The following PCDHA6 variants were observed in gnomAD, a reference collection of about 807,000 sequenced individuals.
PCDHA6 encodes protocadherin alpha 6, also known as protocadherin alpha-6.
Under a neutral mutation model 60.3 loss-of-function variants are expected in PCDHA6, and 55 were observed. The observed-to-expected ratio is 0.91, with a 90% CI of 0.73 to 1.14. PCDHA6 has a LOEUF of 1.14. Ranked by LOEUF, PCDHA6 falls within the 50% of genes most tolerant of loss-of-function variation. The pLI is 0.00. For missense variants in PCDHA6, 1,327 were observed against 1,256.5 expected (o/e 1.06, Z -0.85); for synonymous variants, 652 against 557.9 (o/e 1.17, Z -2.38).
intron 1 of PCDHA6, chr5:140,929,360 C>G (rs781864515): frequency 5.3e-6 from 8 of 1,519,748 alleles, no homozygotes; most frequent in Non-Finnish European, 6.2e-6. Flanking sequence ...TTCCTTTGGC[C>G]CGGAGATGGC....
At chr5:140,991,167 G>T (rs186627829) in intron 3 of PCDHA6, among the ~76,000 whole-genome samples, 2 of 152,270 alleles carry the variant, frequency 1.3e-5, no homozygotes, top group Non-Finnish European at 2.9e-5. Flanking sequence ...TATTCCCATT[G>T]TCAAGCAGGA....
In PCDHA6 at chr5:140,869,244, C is replaced by G. The variant is rs782454826; in HGVS notation, c.2394+38759C>G. 5.6e-6 allele frequency: 9 copies of G among 1,613,658 alleles called. 1 individual carries two copies. In the South Asian group the frequency reaches 7.7e-5, roughly 14 times the overall value. ...CCAAACACGGCACCTTCGTGGGCCG[C>G]ATCGCGCAGGACCTGGGGCTGGAGC... On this transcript the variant is annotated intron_variant, in intron 1 of 3. Coordinates refer to ENST00000529310, the MANE Select transcript of PCDHA6 (RefSeq NM_018909.4).
At position 140,828,124 on chromosome 5, in the gene PCDHA6, G is replaced by A. The variant is rs1769541261; in HGVS notation, c.33G>A (p.Lys11=). The A allele has an allele frequency of 1.9e-6, 3 of 1,613,068 alleles. No homozygotes were observed. Among genetic ancestry groups the A allele is most frequent in the Non-Finnish European group, 2.5e-6 (3 of 1,179,428 alleles). The change falls in exon 1 of 4, where the codon AAG becomes AAA. Residue 11 remains lysine (K), a synonymous_variant. Transcript: ENST00000529310. MVFTPEDRLG[K]QCLLLPLLLL... ...TTACCCCGGAGGATAGATTGGGAAA[G>A]CAATGTCTGCTCCTCCCGCTTCTGC...
At chr5:140,859,579 G>A in intron 1 of PCDHA6, 1 of 171,440 alleles carries the variant, frequency 5.8e-6, no homozygotes, top group Non-Finnish European at 1.2e-5. Flanking sequence ...TTGTCATCTT[G>A]CCTATGGCTC....
At position 140,849,588 on chromosome 5, in the gene PCDHA6, C is replaced by G. The variant is rs2150441639; in HGVS notation, c.2394+19103C>G. ...GGTTCCTGTAAAAGAGGACGCACAA[C>G]TGGGGACAGTTATTGCCCTGATTAG... On this transcript the variant is annotated intron_variant, in intron 1 of 3. Coordinates refer to ENST00000529310, the MANE Select transcript of PCDHA6 (RefSeq NM_018909.4). 8 of 1,598,790 alleles carry G rather than the reference C, an allele frequency of 5.0e-6. 1 individual carries two copies. Among genetic ancestry groups the G allele is most frequent in the East Asian group, 4.5e-5 (2 of 44,856 alleles).
At chr5:140,981,643 G>A (rs998815671) in intron 2 of PCDHA6, among the ~76,000 whole-genome samples, 3 of 151,992 alleles carry the variant, frequency 2.0e-5, no homozygotes, top group African/African-American at 7.3e-5. Context: ...TTTTCTCTTA[G>A]GATCCCACTT....
intron 1 of PCDHA6, among the ~76,000 whole-genome samples, chr5:140,973,304 C>G (rs1252823783): frequency 6.6e-6 from 1 of 152,126 alleles, no homozygotes; most frequent in Non-Finnish European, 1.5e-5. Context: ...TCTGATGACT[C>G]TATCCTGGAA....
intron 1 of PCDHA6, chr5:140,863,119 A>T: frequency 1.7e-6 from 1 of 591,284 alleles, no homozygotes; most frequent in Non-Finnish European, 3.3e-6. Context: ...GGCGAAAGCT[A>T]CGCGCCACCG....
At chr5:140,917,352 C>G (rs2078160172) in intron 1 of PCDHA6, among the ~76,000 whole-genome samples, 1 of 141,764 alleles carries the variant, frequency 7.1e-6, no homozygotes, top group African/African-American at 2.6e-5. Context: ...GTGTAGGCTT[C>G]TGTTCCACTA....
At position 140,850,278 on chromosome 5, in the gene PCDHA6, C is replaced by A. The variant is rs2150477296; in HGVS notation, c.2394+19793C>A. On this transcript the variant is annotated intron_variant, in intron 1 of 3. Transcript: ENST00000529310. ...CGCCGGCGTAGTGGTGGGGAAGGTG[C>A]GCGCAGTGGACGCCGACTCGGGCTA... is the stretch of plus-strand genomic sequence containing the variant. 5 of 1,595,340 alleles carry A rather than the reference C, an allele frequency of 3.1e-6. 1 individual carries two copies. Among genetic ancestry groups the A allele is most frequent in the South Asian group, 1.1e-5 (1 of 90,456 alleles).
At chr5:140,984,139 C>T (rs2097088415) in intron 3 of PCDHA6, among the ~76,000 whole-genome samples, 1 of 152,178 alleles carries the variant, frequency 6.6e-6, no homozygotes. Flanking sequence ...GATGTGGAGG[C>T]ATCTGGGAAG....
At chr5:140,919,593 T>C (rs541275874) in intron 1 of PCDHA6, among the ~76,000 whole-genome samples, 1 of 152,214 alleles carries the variant, frequency 6.6e-6, no homozygotes, top group Non-Finnish European at 1.5e-5. Context: ...TGGTAATTTT[T>C]AAAATAAATT....
chr5:140,943,923 C>A (rs1454812803), intron 1 of PCDHA6, among the ~76,000 whole-genome samples: 1 of 152,162 alleles, frequency 6.6e-6, no homozygotes, highest in Non-Finnish European at 1.5e-5. Flanking sequence ...GCATGAGCAG[C>A]TTTAGAAGTG....
At position 140,869,840 on chromosome 5, in the gene PCDHA6, A is replaced by T. The variant is rs782569950; in HGVS notation, c.2394+39355A>T. 9 of 1,611,616 alleles carry T rather than the reference A, an allele frequency of 5.6e-6. No homozygotes were observed. The Admixed American group carries it at 1.5e-4, about 27-fold the overall frequency. On this transcript the variant is annotated intron_variant, in intron 1 of 3. Transcript: ENST00000529310. The stretch of plus-strand genomic sequence containing the variant: ...AATGATCCAGAGTTTGATAAATCAG[A>T]ATATAAGGTGAGCCTTATGGAAAAT...
Position 140,828,909 on chromosome 5 carries a change from C to G in PCDHA6, c.818C>G (p.Ala273Gly), listed in dbSNP as rs1213488123. ...AATGCTTCTGATCGGGATGAAGGAG[C>G]GAATGGGGCAATTTCATATTCTTTT... Reference protein sequence around the residue: ...RLNASDRDEGANGAISYSFNS... With the variant: ...RLNASDRDEGGNGAISYSFNS... Residue 273 changes from alanine (A) to glycine (G), a missense_variant, in exon 1 of 4, where the codon GCG (alanine) becomes GGG (glycine). By Grantham distance (60) the Ala-to-Gly change is moderately conservative (BLOSUM62 0). Coordinates refer to ENST00000529310, the MANE Select transcript of PCDHA6 (RefSeq NM_018909.4). 1.2e-6 allele frequency: 2 copies of G among 1,614,072 alleles called. No homozygotes were observed. Among genetic ancestry groups the G allele is most frequent in the South Asian group, 1.1e-5 (1 of 91,080 alleles).
At chr5:140,882,208 G>C (rs1554173113) in intron 1 of PCDHA6, 2 of 1,531,598 alleles carry the variant, frequency 1.3e-6, no homozygotes, top group East Asian at 4.5e-5. Flanking sequence ...GGCCTTGAGA[G>C]ACAGTTTGAG....
intron 3 of PCDHA6, among the ~76,000 whole-genome samples, chr5:140,990,378 T>G (rs1554251448): frequency 6.6e-6 from 1 of 152,128 alleles, no homozygotes; most frequent in African/African-American, 2.4e-5. Context: ...GCAAATTTGT[T>G]GGTGATGTTC....
chr5:140,830,001 T>C lies in PCDHA6; in HGVS notation c.1910T>C (p.Leu637Pro). 1 of 1,613,958 alleles carries C rather than the reference T, an allele frequency of 6.2e-7. No homozygotes were observed. The highest frequency in any genetic ancestry group is 1.1e-5 in the South Asian group (1 of 91,076). ...GGCGAGATCAGCACCACTCGTGTCCTGGACGAAGCGGACTCTCCGCGCCAC... is the reference window on the plus strand; with the variant it reads ...GGCGAGATCAGCACCACTCGTGTCCCGGACGAAGCGGACTCTCCGCGCCAC... ...YTGEISTTRV[L>P]DEADSPRHRL... is the part of the protein sequence containing the mutation. Residue 637 changes from leucine to proline, a missense_variant, in exon 1 of 4, where the codon CTG becomes CCG. Leu to Pro is a moderately conservative substitution (Grantham distance 98). Coordinates refer to ENST00000529310, the MANE Select transcript of PCDHA6 (RefSeq NM_018909.4).
intron 1 of PCDHA6, among the ~76,000 whole-genome samples, chr5:140,887,345 C>A (rs1286436995): frequency 6.6e-6 from 1 of 152,140 alleles, no homozygotes; most frequent in Non-Finnish European, 1.5e-5. Context: ...ATCCACCTGG[C>A]TCGGCCTCCC....
Sources: gnomAD v4.1 joint callset for allele counts (sites outside exome capture counted in the v4.1 genomes callset) on GRCh38, gnomAD v4.1.1 for gene constraint, MANE v1.5 for transcripts, NCBI Gene and HGNC (gene_info 2026-07-23, HGNC 2026-07-21) for gene names.